AK5: variants seen among roughly 807,000 people sequenced by gnomAD.
The protein encoded by AK5 is adenylate kinase isoenzyme 5.
In AK5, 27 loss-of-function variants were observed where a neutral mutation model predicts 69.5. The ratio of observed to expected loss-of-function variants is 0.39; its 90% CI spans 0.29 to 0.54. The LOEUF is 0.54. AK5 is among the 20% of genes least tolerant of loss of function. The probability of loss-of-function intolerance (pLI) is 0.71; values close to 1 mark genes in which losing one functional copy is unlikely to be tolerated. For synonymous variants in AK5, 260 were observed against 244.4 expected (o/e 1.06, Z -0.60); for missense variants, 531 against 700.4 (o/e 0.76, Z 2.73).
intron 10 of AK5, among the ~76,000 whole-genome samples, chr1:77,516,337 G>C (rs1657641722): frequency 6.6e-6 from 1 of 151,970 alleles, no homozygotes; most frequent in Non-Finnish European, 1.5e-5. Flanking sequence ...TGGTTCTGGA[G>C]ACCTCATGTA....
intron 8 of AK5, among the ~76,000 whole-genome samples, chr1:77,431,222 C>A (rs1009746353): frequency 1.3e-5 from 2 of 152,162 alleles, no homozygotes; most frequent in African/African-American, 4.8e-5. Flanking sequence ...TAAGGAAACA[C>A]AACAGGATTA....
chr1:77,307,235 G>C (rs1423099131), intron 5 of AK5, among the ~76,000 whole-genome samples: 1 of 151,158 alleles, frequency 6.6e-6, no homozygotes, highest in Non-Finnish European at 1.5e-5. Context: ...GGCACTTATA[G>C]CTATAAACTT....
chr1:77,382,118 G>T (rs1204386824), intron 6 of AK5, among the ~76,000 whole-genome samples: 1 of 151,838 alleles, frequency 6.6e-6, no homozygotes, highest in Admixed American at 6.6e-5. Flanking sequence ...TTTTCATTAA[G>T]AAATCTTTTT....
intron 6 of AK5, among the ~76,000 whole-genome samples, chr1:77,405,617 G>A (rs1365255606): frequency 6.6e-6 from 1 of 152,212 alleles, no homozygotes; most frequent in Non-Finnish European, 1.5e-5. Context: ...AGATTCAGGG[G>A]CTGTGCTGCT....
intron 12 of AK5, among the ~76,000 whole-genome samples, chr1:77,529,204 A>C (rs1658440901): frequency 6.6e-6 from 1 of 152,232 alleles, no homozygotes; most frequent in South Asian, 2.1e-4. Context: ...AAAATCATAC[A>C]GAACATAGGA....
intron 6 of AK5, among the ~76,000 whole-genome samples, chr1:77,344,740 C>CT (rs979779721): frequency 1.3e-5 from 2 of 150,960 alleles, no homozygotes; most frequent in South Asian, 2.1e-4. Flanking sequence ...CACTTTTTTT[C>CT]TTTTTTTTAA....
intron 12 of AK5, among the ~76,000 whole-genome samples, chr1:77,526,998 T>G (rs1658330470): frequency 6.6e-6 from 1 of 152,148 alleles, no homozygotes; most frequent in South Asian, 2.1e-4. Flanking sequence ...CACATCATTT[T>G]GAGCAATGAC....
chr1:77,554,838 T>A (rs552504554), intron 13 of AK5, among the ~76,000 whole-genome samples: 1 of 150,544 alleles, frequency 6.6e-6, no homozygotes, highest in Non-Finnish European at 1.5e-5. Context: ...GGATGGTCTC[T>A]ATCTCCTGAC....
At chr1:77,558,290 G>A (rs1660224880) in intron 13 of AK5, among the ~76,000 whole-genome samples, 1 of 152,142 alleles carries the variant, frequency 6.6e-6, no homozygotes, top group Non-Finnish European at 1.5e-5. Flanking sequence ...CTTCTGAAGT[G>A]GGTGTACCAT....
At chr1:77,544,066 C>T (rs1659417874) in intron 13 of AK5, among the ~76,000 whole-genome samples, 1 of 152,210 alleles carries the variant, frequency 6.6e-6, no homozygotes, top group Non-Finnish European at 1.5e-5. Context: ...TAGCCTACTA[C>T]ACACGACAGC....
chr1:77,530,151 T>C (rs1658500531), intron 12 of AK5, among the ~76,000 whole-genome samples: 2 of 152,212 alleles, frequency 1.3e-5, no homozygotes, highest in Non-Finnish European at 1.5e-5. Flanking sequence ...GTCCAGTTGG[T>C]GTGTTCTAGT....
intron 8 of AK5, among the ~76,000 whole-genome samples, chr1:77,424,423 G>T (rs2100597086): frequency 6.6e-6 from 1 of 152,054 alleles, no homozygotes; most frequent in South Asian, 2.1e-4. Flanking sequence ...ACCATGCCTG[G>T]CTAATTTTAT....
intron 8 of AK5, among the ~76,000 whole-genome samples, chr1:77,430,813 C>G (rs1050581099): frequency 2.0e-5 from 3 of 152,152 alleles, no homozygotes; most frequent in Admixed American, 2.0e-4. Context: ...AAGAGAGAGA[C>G]TGGAAAATAA....
At position 77,423,112 on chromosome 1, in the gene AK5, T is replaced by C. The variant is rs140325197; in HGVS notation, c.1059+5397T>C. Among the ~76,000 whole-genome samples the C allele has an allele frequency of 5.0e-3, 759 of 150,400 alleles. 8 individuals carry two copies. Among genetic ancestry groups the C allele is most frequent in the African/African-American group, 0.017 (707 of 40,870 alleles). ...GGTGGGCACCTGTAGTCCCAGCTAC[T>C]TGGGAGGCTGAGGCAGGAGAATGGC... On this transcript the variant is annotated intron_variant, in intron 8 of 13. Coordinates refer to ENST00000354567, the MANE Select transcript of AK5 (RefSeq NM_174858.3).
chr1:77,343,724 T>G (rs1217170472), intron 6 of AK5, among the ~76,000 whole-genome samples: 1 of 152,216 alleles, frequency 6.6e-6, no homozygotes, highest in Non-Finnish European at 1.5e-5. Context: ...TGTCAAGAGC[T>G]TAAAACGGTG....
At chr1:77,324,315 TTGCGTG>T (rs1660679296) in intron 5 of AK5, among the ~76,000 whole-genome samples, 1 of 48,082 alleles carries the variant, frequency 2.1e-5, no homozygotes, top group African/African-American at 7.5e-5. Flanking sequence ...AGTTCACCAT[TTGCGTG>T]TGTGTGTGTG....
chr1:77,300,476 G>A (rs769411582), intron 5 of AK5, among the ~76,000 whole-genome samples: 4 of 152,164 alleles, frequency 2.6e-5, no homozygotes, highest in African/African-American at 4.8e-5. Context: ...GGGTGTGGAG[G>A]CAAAGCTGAA....
At chr1:77,546,232 T>C (rs1157316978) in intron 13 of AK5, among the ~76,000 whole-genome samples, 1 of 152,188 alleles carries the variant, frequency 6.6e-6, no homozygotes, top group Non-Finnish European at 1.5e-5. Context: ...TATAATCACA[T>C]AGCAGATTTT....
At chr1:77,312,210 G>A (rs1659997292) in intron 5 of AK5, among the ~76,000 whole-genome samples, 1 of 152,068 alleles carries the variant, frequency 6.6e-6, no homozygotes, top group Admixed American at 6.5e-5. Flanking sequence ...CTCTAAATTA[G>A]CATTGGGTGG....
Sources: allele counts gnomAD v4.1 joint callset (sites outside exome capture counted in the v4.1 genomes callset), GRCh38; gene constraint gnomAD v4.1.1; transcripts MANE v1.5; gene names NCBI Gene and HGNC (gene_info 2026-07-23, HGNC 2026-07-21).